The following AK3 variants were observed in gnomAD, a reference collection of about 807,000 sequenced individuals.
The protein encoded by AK3 is adenylate kinase 3, also known as GTP:AMP phosphotransferase AK3, mitochondrial.
In AK3, 27 loss-of-function variants were observed where a neutral mutation model predicts 23.7. The observed-to-expected ratio is 1.14, with a 90% CI of 0.84 to 1.57. The LOEUF (loss-of-function observed/expected upper bound fraction) is 1.57. AK3 is among the 40% of genes most tolerant of loss of function. AK3 has a pLI of 0.00. For synonymous variants in AK3, 159 were observed against 116.0 expected (o/e 1.37, Z -2.38); for missense variants, 406 against 285.6 (o/e 1.42, Z -3.04).
chr9:4,717,698 G>A (rs912733078), intron 4 of AK3, among the ~76,000 whole-genome samples: 2 of 152,162 alleles, frequency 1.3e-5, no homozygotes, highest in African/African-American at 4.8e-5. Flanking sequence ...ACAATATTCA[G>A]TAAATTATGT....
rs779661489 is a variant in AK3 at position 4,711,605 on chromosome 9, C to T, written c.*1371G>A. ...CGGAACAGATTTTTAAAGGCAATAACGACTTGTAAGACGGCTTGTTTCATT... is the reference window on the plus strand; with the variant it reads ...CGGAACAGATTTTTAAAGGCAATAATGACTTGTAAGACGGCTTGTTTCATT... On this transcript the variant is annotated 3_prime_UTR_variant, in exon 5 of 5. Transcript: ENST00000381809. 4.6e-5 allele frequency: 7 copies of T among 152,254 alleles called. No individual in the cohort carries two copies. The highest frequency in any genetic ancestry group is 1.3e-4 in the Admixed American group (2 of 15,276). The allele number at this position is 152,254 out of a possible 1,614,324, so 9.4% of individuals were successfully genotyped here. A position where few individuals can be genotyped will look rare whatever the true frequency, so the allele number is the denominator to read the frequency against.
At chr9:4,716,932 A>G (rs1243685647) in intron 4 of AK3, among the ~76,000 whole-genome samples, 2 of 152,206 alleles carry the variant, frequency 1.3e-5, no homozygotes, top group Non-Finnish European at 2.9e-5. Context: ...CCCTGTCTCT[A>G]AAATAAATAA....
chr9:4,716,465 C>T (rs1223857632), intron 4 of AK3, among the ~76,000 whole-genome samples: 1 of 152,162 alleles, frequency 6.6e-6, no homozygotes, highest in African/African-American at 2.4e-5. Context: ...TTTAATATTG[C>T]CTGATTTTAC....
chr9:4,740,727 C>T (rs374611745), intron 1 of AK3, among the ~76,000 whole-genome samples: 1 of 152,208 alleles, frequency 6.6e-6, no homozygotes, highest in Non-Finnish European at 1.5e-5. Context: ...TCCCTTCCCC[C>T]ACCGCCACCC....
At chr9:4,734,263 A>G (rs954494543) in intron 1 of AK3, among the ~76,000 whole-genome samples, 1 of 152,116 alleles carries the variant, frequency 6.6e-6, no homozygotes, top group African/African-American at 2.4e-5. Context: ...CTCACCAGAA[A>G]CCAACTCTAC....
At chr9:4,716,002 G>A (rs1841716356) in intron 4 of AK3, among the ~76,000 whole-genome samples, 3 of 152,102 alleles carry the variant, frequency 2.0e-5, no homozygotes, top group South Asian at 4.2e-4. Flanking sequence ...GCTGGTAGGA[G>A]GTAAACTGGA....
intron 1 of AK3, among the ~76,000 whole-genome samples, chr9:4,738,946 T>C (rs1842360288): frequency 2.0e-5 from 3 of 151,908 alleles, no homozygotes; most frequent in Non-Finnish European, 4.4e-5. Flanking sequence ...TAATTTTTTG[T>C]ATTTTTGGTA....
At chr9:4,719,031 G>T in intron 3 of AK3, 104 bp downstream of exon 3, 1 of 1,296,948 alleles carries the variant, frequency 7.7e-7, no homozygotes, top group East Asian at 2.3e-5. Flanking sequence ...TATACCCTCA[G>T]GAGTTTTGGT....
intron 1 of AK3, among the ~76,000 whole-genome samples, chr9:4,727,355 T>C (rs1842043056): frequency 6.6e-6 from 1 of 152,240 alleles, no homozygotes; most frequent in Non-Finnish European, 1.5e-5. Context: ...TCTGTTAGTG[T>C]AGACACCTTC....
At chr9:4,729,135 T>C (rs189517959) in intron 1 of AK3, among the ~76,000 whole-genome samples, 10 of 151,274 alleles carry the variant, frequency 6.6e-5, no homozygotes, top group Admixed American at 2.6e-4. Flanking sequence ...CTCCACCTCC[T>C]GAGTAGCTGG....
chr9:4,713,545 C>G (rs1841618916), intron 4 of AK3, among the ~76,000 whole-genome samples: 1 of 151,942 alleles, frequency 6.6e-6, no homozygotes, highest in Non-Finnish European at 1.5e-5. Flanking sequence ...CCTTTTTTTT[C>G]TACTTACTCT....
At chr9:4,739,524 A>C (rs894248851) in intron 1 of AK3, among the ~76,000 whole-genome samples, 1 of 151,246 alleles carries the variant, frequency 6.6e-6, no homozygotes, top group Non-Finnish European at 1.5e-5. Flanking sequence ...ATACTACAAA[A>C]ACAGAATGAA....
Position 4,711,107 on chromosome 9 carries a change from G to T in AK3, c.*1869C>A, listed in dbSNP as rs920042020. 5 of 152,140 alleles carry T rather than the reference G, an allele frequency of 3.3e-5. No homozygotes were observed. Among genetic ancestry groups the T allele is most frequent in the African/African-American group, 1.2e-4 (5 of 41,402 alleles). The allele number at this position is 152,140 out of a possible 1,614,324, so 9.4% of individuals were successfully genotyped here. A position where few individuals can be genotyped will look rare whatever the true frequency, so the allele number is the denominator to read the frequency against. ...CTAAGGGTATTATGAAGGCCGGTAT[G>T]GCTACCATAGCAGGAGATGAAGTAT... On this transcript the variant is annotated 3_prime_UTR_variant, in exon 5 of 5. Coordinates refer to ENST00000381809, the MANE Select transcript of AK3 (RefSeq NM_016282.4).
At chr9:4,717,993 G>A (rs1019557249) in intron 4 of AK3, among the ~76,000 whole-genome samples, 2 of 152,230 alleles carry the variant, frequency 1.3e-5, no homozygotes, top group Admixed American at 6.5e-5. Context: ...GCAGTAGGCA[G>A]TAACCCAAGC....
intron 1 of AK3, among the ~76,000 whole-genome samples, chr9:4,731,341 C>G (rs1443824808): frequency 6.6e-6 from 1 of 152,104 alleles, no homozygotes. Context: ...CATCATTTAG[C>G]TCCCACTTAT....
Position 4,741,111 on chromosome 9 carries a change from G to C in AK3, c.-24C>G, listed in dbSNP as rs760032497. ...ATGGCCGCAGACTGAGGCCCGCACC[G>C]CGCGGGTACCAGGGCTTTGGCCTGG... On this transcript the variant is annotated 5_prime_UTR_variant, in exon 1 of 5. Coordinates refer to ENST00000381809, the MANE Select transcript of AK3 (RefSeq NM_016282.4). 1.3e-5 allele frequency: 20 copies of C among 1,493,262 alleles called. No individual in the cohort carries two copies. Among genetic ancestry groups the C allele is most frequent in the Non-Finnish European group, 1.7e-5 (19 of 1,121,026 alleles). The allele number at this position is 1,493,262 out of a possible 1,614,324, so 92.5% of individuals were successfully genotyped here.
At chr9:4,728,690 T>C (rs1842073592) in intron 1 of AK3, among the ~76,000 whole-genome samples, 1 of 151,554 alleles carries the variant, frequency 6.6e-6, no homozygotes, top group South Asian at 2.1e-4. Flanking sequence ...TGGTAGTTTT[T>C]TTAAAGGTTG....
intron 1 of AK3, among the ~76,000 whole-genome samples, chr9:4,739,469 C>G (rs1842373331): frequency 6.6e-6 from 1 of 150,808 alleles, no homozygotes; most frequent in Non-Finnish European, 1.5e-5. Context: ...GCTGGGATTA[C>G]AAGTGTGAAC....
intron 1 of AK3, among the ~76,000 whole-genome samples, chr9:4,735,113 G>T (rs2130909891): frequency 6.6e-6 from 1 of 150,424 alleles, no homozygotes; most frequent in East Asian, 1.9e-4. Flanking sequence ...TTTTTAAAAG[G>T]TTGGGCACTG....
Sources: gnomAD v4.1 joint callset for allele counts (sites outside exome capture counted in the v4.1 genomes callset) on GRCh38, gnomAD v4.1.1 for gene constraint, MANE v1.5 for transcripts, NCBI Gene and HGNC (gene_info 2026-07-23, HGNC 2026-07-21) for gene names.